Variants in ACYP2 observed in about 807,000 individuals in gnomAD.
ACYP2 encodes acylphosphatase-2.
Under a neutral mutation model 11.2 loss-of-function variants are expected in ACYP2, and 12 were observed. The ratio of observed to expected loss-of-function variants is 1.08; its 90% confidence interval spans 0.69 to 1.74. ACYP2 has a LOEUF of 1.74. Among genes scored for constraint, ACYP2 ranks in the 40% most tolerant of loss-of-function variants. ACYP2 has a pLI of 0.00. For synonymous variants in ACYP2, 43 were observed against 32.2 expected, an observed-to-expected ratio of 1.33 and a Z score of -1.13; for missense variants, 134 against 101.9, an observed-to-expected ratio of 1.31 and a Z score of -1.35.
At chr2:54,029,948 G>T in intron 2 of ACYP2, 1 of 278,620 alleles carries the variant, frequency 3.6e-6, no homozygotes, top group Non-Finnish European at 6.8e-6. Context: ...AGGAAAGAAG[G>T]GAATTTATTG....
intron 6 of ACYP2, among the ~76,000 whole-genome samples, chr2:54,293,084 G>A (rs534421507): frequency 7.9e-5 from 12 of 152,080 alleles, no homozygotes; most frequent in South Asian, 2.1e-4. Flanking sequence ...TTATTTAATC[G>A]TCACCGCAAC....
At chr2:54,234,195 T>C (rs934213499) in intron 6 of ACYP2, among the ~76,000 whole-genome samples, 1 of 152,216 alleles carries the variant, frequency 6.6e-6, no homozygotes, top group Non-Finnish European at 1.5e-5. Context: ...TTCCTGGGCA[T>C]TTTTGTGCTA....
At chr2:54,272,821 T>G (rs1217891761) in intron 6 of ACYP2, among the ~76,000 whole-genome samples, 1 of 152,226 alleles carries the variant, frequency 6.6e-6, no homozygotes, top group Non-Finnish European at 1.5e-5. Flanking sequence ...AAGACAACAG[T>G]CTTAATGCTT....
At chr2:54,223,882 CTG>C (rs1685896680) in intron 6 of ACYP2, among the ~76,000 whole-genome samples, 1 of 151,998 alleles carries the variant, frequency 6.6e-6, no homozygotes, top group Non-Finnish European at 1.5e-5. Context: ...TATAGTAAAA[CTG>C]TGTTTTTAAC....
In ACYP2 at chr2:54,305,019, T is replaced by A. The variant is rs1286843609; in HGVS notation, c.*217T>A. The A allele has an allele frequency of 8.8e-6, 3 of 341,202 alleles. No individual in the cohort carries two copies. Among genetic ancestry groups the A allele is most frequent in the Non-Finnish European group, 1.6e-5 (3 of 190,158 alleles). The allele number at this position is 341,202 out of a possible 1,614,324, so 21.1% of individuals were successfully genotyped here. On this transcript the variant is annotated 3_prime_UTR_variant, in exon 7 of 7. Coordinates refer to ENST00000607452, the MANE Select transcript of ACYP2 (RefSeq NM_001320586.2). ...ATAGTATTCTAAGATTAAAATGTCA[T>A]TACAAAATATTTAGTGTGAACATTT... is the stretch of plus-strand genomic sequence containing the variant.
intron 4 of ACYP2, chr2:54,123,392 C>G: frequency 2.5e-6 from 1 of 398,468 alleles, no homozygotes; most frequent in African/African-American, 2.1e-5. Flanking sequence ...GAATGACTGC[C>G]CTTGTTCTAC....
intron 6 of ACYP2, among the ~76,000 whole-genome samples, chr2:54,145,330 C>T (rs1018676672): frequency 6.6e-6 from 1 of 152,144 alleles, no homozygotes; most frequent in Admixed American, 6.5e-5. Flanking sequence ...CTTTAGGCTG[C>T]AAGTAACAGG....
In ACYP2 at chr2:54,187,470, G is replaced by C. The variant is rs1684062202; in HGVS notation, c.404+48722G>C. On this transcript the variant is annotated intron_variant, in intron 6 of 6. Transcript: ENST00000607452. ...GTCCAGGGATTCACAGCTTGTGTGTGTGATGCAGAACCAGGGGCTGCTTGC... is the reference window on the plus strand; with the variant it reads ...GTCCAGGGATTCACAGCTTGTGTGTCTGATGCAGAACCAGGGGCTGCTTGC... 2.6e-5 allele frequency among the ~76,000 whole-genome samples: 4 copies of C among 152,204 alleles called. 1 individual carries two copies. The highest frequency in any genetic ancestry group is 2.6e-4 in the Admixed American group (4 of 15,268).
At chr2:54,186,843 A>G (rs1224272221) in intron 6 of ACYP2, among the ~76,000 whole-genome samples, 1 of 152,134 alleles carries the variant, frequency 6.6e-6, no homozygotes, top group Admixed American at 6.6e-5. Context: ...TGTGAAAATT[A>G]TAATTCGTGT....
chr2:54,002,381 T>C (rs953306885), intron 2 of ACYP2, among the ~76,000 whole-genome samples: 13 of 151,230 alleles, frequency 8.6e-5, no homozygotes, highest in African/African-American at 2.9e-4. Context: ...AGTCTTGCTC[T>C]GTTGCCCAGG....
chr2:54,174,809 T>A (rs1245597954), intron 6 of ACYP2, among the ~76,000 whole-genome samples: 1 of 152,228 alleles, frequency 6.6e-6, no homozygotes, highest in African/African-American at 2.4e-5. Flanking sequence ...TTGGTTCTGT[T>A]TATGTGATGG....
chr2:54,304,064 A>G (rs1381631931), intron 6 of ACYP2, among the ~76,000 whole-genome samples: 2 of 152,198 alleles, frequency 1.3e-5, no homozygotes, highest in Admixed American at 6.5e-5. Context: ...CAGAGCATTC[A>G]ACTTGTCCTT....
intron 6 of ACYP2, among the ~76,000 whole-genome samples, chr2:54,286,719 C>A (rs1689093625): frequency 6.6e-6 from 1 of 151,966 alleles, no homozygotes; most frequent in Non-Finnish European, 1.5e-5. Context: ...AATCTTTATG[C>A]TGTTTTGATT....
chr2:54,173,127 C>T (rs1572888426), intron 6 of ACYP2, among the ~76,000 whole-genome samples: 1 of 152,226 alleles, frequency 6.6e-6, no homozygotes, highest in African/African-American at 2.4e-5. Context: ...GCCACACTGT[C>T]TTCCACAATG....
intron 6 of ACYP2, among the ~76,000 whole-genome samples, chr2:54,147,606 C>G (rs922869560): frequency 4.6e-5 from 7 of 152,142 alleles, no homozygotes; most frequent in African/African-American, 1.7e-4. Flanking sequence ...CTCACTGCAG[C>G]CTTGATCTCC....
intron 4 of ACYP2, among the ~76,000 whole-genome samples, chr2:54,103,670 ATTC>A (rs2103706233): frequency 6.6e-6 from 1 of 152,280 alleles, no homozygotes; most frequent in South Asian, 2.1e-4. Flanking sequence ...TTTTCTTCCT[ATTC>A]TTCTAACATG....
At chr2:54,238,608 G>A (rs1686601603) in intron 6 of ACYP2, among the ~76,000 whole-genome samples, 1 of 151,992 alleles carries the variant, frequency 6.6e-6, no homozygotes, top group Admixed American at 6.6e-5. Context: ...TATGTTTGAA[G>A]ATATAGCTTT....
At chr2:54,252,043 T>C (rs1687249818) in intron 6 of ACYP2, among the ~76,000 whole-genome samples, 1 of 152,204 alleles carries the variant, frequency 6.6e-6, no homozygotes, top group Admixed American at 6.5e-5. Context: ...TAAGGCTAAC[T>C]TGTTAAGCTT....
At chr2:53,973,684 C>T (rs995607995) in intron 1 of ACYP2, 4 of 248,382 alleles carry the variant, frequency 1.6e-5, no homozygotes, top group African/African-American at 6.8e-5. Context: ...AATGGTAATC[C>T]CAACACCCTT....
Sources: gnomAD v4.1 joint callset for allele counts (sites outside exome capture counted in the v4.1 genomes callset) on GRCh38, gnomAD v4.1.1 for gene constraint, MANE v1.5 for transcripts, NCBI Gene and HGNC (gene_info 2026-07-23, HGNC 2026-07-21) for gene names.